Variants in RPS13 observed in about 807,000 individuals in gnomAD.
RPS13 encodes small ribosomal subunit protein uS15.
In RPS13, 1 loss-of-function variant was observed where a neutral mutation model predicts 24.6. The observed-to-expected ratio is 0.04, with a 90% CI of 0.01 to 0.19. The LOEUF is 0.19. RPS13 is among the 10% of genes least tolerant of loss of function. The pLI is 1.00. For missense variants in RPS13, 88 were observed against 187.4 expected (o/e 0.47, Z 3.10); for synonymous variants, 69 against 65.3 (o/e 1.06, Z -0.27).
chr11:17,077,474 C>T lies in RPS13; in HGVS notation c.27G>A (p.Lys9=). 1 of 1,613,944 alleles carries T rather than the reference C, an allele frequency of 6.2e-7. No individual in the cohort carries two copies. The highest frequency in any genetic ancestry group is 8.5e-7 in the Non-Finnish European group (1 of 1,179,968). MGRMHAPG[K]GLSQSALPYR... ...AGGGTAAAGCCGACTGGGACAGGCC[C>T]TTCCTGGGGAGAGAAGCAGTCTCGA... is the stretch of plus-strand genomic sequence containing the variant. The change falls in exon 2 of 6, where the codon AAG becomes AAA. Residue 9 remains lysine (K), a synonymous_variant. Transcript: ENST00000525634.
chr11:17,074,952 G>A, intron 5 of RPS13, 145 bp downstream of exon 5: 1 of 631,556 alleles, frequency 1.6e-6, no homozygotes, highest in Non-Finnish European at 2.8e-6. Context: ...TACCAGGCCA[G>A]AGCTCAAAGA....
rs750296954 is a variant in RPS13, at chr11:17,077,506, G to A, written c.24-29C>T. The A allele has an allele frequency of 3.1e-6, 5 of 1,613,970 alleles. No homozygotes were observed. The African/African-American group carries it at 5.3e-5, about 17-fold the overall frequency. ...GGGAGAGAAGCAGTCTCGAGGTGAG[G>A]TGGCGGCTAGTGCCAGAGCAGCCCA... On this transcript the variant is annotated intron_variant, in intron 1 of 5. Coordinates refer to ENST00000525634, the MANE Select transcript of RPS13 (RefSeq NM_001017.3).
intron 3 of RPS13, chr11:17,076,486 G>A (rs1208936962): frequency 5.6e-6 from 2 of 359,702 alleles, no homozygotes; most frequent in African/African-American, 2.2e-5. Flanking sequence ...AATCCAGGAG[G>A]TGGAGGTTGC....
At chr11:17,077,044 G>A (rs1848033467) in intron 3 of RPS13, 124 bp downstream of exon 3, 1 of 703,872 alleles carries the variant, frequency 1.4e-6, no homozygotes, top group East Asian at 2.5e-5. Flanking sequence ...TGCTTACAAT[G>A]ATGCCTCTAG....
rs1804350 is a variant in RPS13 at position 17,074,463 on chromosome 11, T to C, written c.426A>G (p.Glu142=). ...CGACCAGGGCAGAGGCTGTAGATGA[T>C]TCACTGAAAAAGAAAAAAGGGGAAA... The part of the protein sequence containing the change: ...KRVLPPNWKY[E]SSTASALVA The change falls in exon 6 of 6, where the codon GAA becomes GAG. Residue 142 remains glutamate (E), a synonymous_variant. Transcript: ENST00000525634. The C allele has an allele frequency of 6.2e-7, 1 of 1,611,704 alleles. No homozygotes were observed. The highest frequency in any genetic ancestry group is 1.1e-5 in the South Asian group (1 of 90,938).
chr11:17,074,743 G>T, intron 5 of RPS13: 1 of 675,500 alleles, frequency 1.5e-6, no homozygotes, highest in Admixed American at 2.0e-5. Context: ...TCATCATAGT[G>T]AGCAATTCAT....
intron 3 of RPS13, chr11:17,076,964 G>A (rs533812250): frequency 1.8e-6 from 1 of 570,808 alleles, no homozygotes; most frequent in Non-Finnish European, 3.1e-6. Flanking sequence ...ACTGTAAACT[G>A]GGGTGAAAGC....
chr11:17,077,052 T>C (rs770138509), intron 3 of RPS13, 116 bp downstream of exon 3: 5 of 756,400 alleles, frequency 6.6e-6, no homozygotes, highest in Non-Finnish European at 1.2e-5. Flanking sequence ...ATGATGCCTC[T>C]AGCACGGTGG....
At chr11:17,077,522 G>C in intron 1 of RPS13, 45 bp from the exon 2 acceptor site, 1 of 1,613,328 alleles carries the variant, frequency 6.2e-7, no homozygotes. Context: ...GCTAGTGCCA[G>C]AGCAGCCCAG....
chr11:17,076,692 C>T (rs758378406), intron 3 of RPS13: 2 of 308,784 alleles, frequency 6.5e-6, no homozygotes, highest in African/African-American at 4.5e-5. Flanking sequence ...GGACTACAGG[C>T]ACATTGCGGC....
intron 3 of RPS13, 191 bp downstream of exon 3, chr11:17,076,977 T>C (rs1221167912): frequency 5.1e-6 from 3 of 584,196 alleles, no homozygotes; most frequent in South Asian, 4.3e-5. Flanking sequence ...GTGAAAGCCA[T>C]GAAGATTTAT....
Position 17,075,079 on chromosome 11 carries a change from A to T in RPS13, c.422+18T>A. 2.6e-6 allele frequency: 4 copies of T among 1,535,874 alleles called. No individual in the cohort carries two copies. The highest frequency in any genetic ancestry group is 3.6e-6 in the Non-Finnish European group (4 of 1,120,950). ...GACTCCTATTCTTGATAACAACGACAAAAGAGTTGATACTTACTATTTCCA... is the reference window on the plus strand; with the variant it reads ...GACTCCTATTCTTGATAACAACGACTAAAGAGTTGATACTTACTATTTCCA... On this transcript the variant is annotated intron_variant, in intron 5 of 5. Transcript: ENST00000525634.
Position 17,077,204 on chromosome 11 carries a change from T to C in RPS13, c.115A>G (p.Lys39Glu). Residue 39 changes from lysine to glutamate, a missense_variant, in exon 3 of 6, where the codon AAA (lysine) becomes GAA (glutamate). Coordinates refer to ENST00000525634, the MANE Select transcript of RPS13 (RefSeq NM_001017.3). Reference sequence around the variant, plus strand: ...GGAGTAAGGCCCTTCTTGGCCAGTTTGTAAATCTGCTCCTTCACGTCGTCA... The same window carrying C: ...GGAGTAAGGCCCTTCTTGGCCAGTTCGTAAATCTGCTCCTTCACGTCGTCA... ...TSDDVKEQIY[K>E]LAKKGLTPSQ... 6.2e-7 allele frequency: 1 copy of C among 1,613,876 alleles called. No homozygotes were observed.
chr11:17,075,200 A>G lies in RPS13; in HGVS notation c.322-3T>C, dbSNP rs771874758. On this transcript the variant is annotated splice_polypyrimidine_tract_variant and splice_region_variant and intron_variant, in intron 4 of 5. Coordinates refer to ENST00000525634, the MANE Select transcript of RPS13 (RefSeq NM_001017.3). ...AGACGGAATTTAGCATCCTTATCCT[A>G]AAAATAAAATTTGGTGCAATTCAAG... 1 of 1,585,026 alleles carries G rather than the reference A, an allele frequency of 6.3e-7. No homozygotes were observed. The highest frequency in any genetic ancestry group is 1.9e-5 in the Admixed American group (1 of 51,496).
intron 3 of RPS13, chr11:17,076,007 T>G (rs1005833101): frequency 3.0e-6 from 1 of 329,680 alleles, no homozygotes; most frequent in African/African-American, 2.2e-5. Flanking sequence ...CTACTTACAA[T>G]CTATGACATA....
intron 3 of RPS13, chr11:17,076,368 T>A (rs1477926305): frequency 3.5e-6 from 1 of 285,356 alleles, no homozygotes; most frequent in African/African-American, 2.3e-5. Context: ...CCAGCCTGGG[T>A]GACAAAGTGA....
At chr11:17,077,396 C>G in intron 2 of RPS13, 33 bp downstream of exon 2, 1 of 1,598,920 alleles carries the variant, frequency 6.3e-7, no homozygotes, top group Non-Finnish European at 8.5e-7. Context: ...AACCCCCTCC[C>G]CGGATTCTCC....
At position 17,077,347 on chromosome 11, in the gene RPS13, G is replaced by A. The variant is rs1590881312; in HGVS notation, c.72+82C>T. ...AAAACCGCGCTCCTCATACACGCAAGTTCCTCACCCTGGCGTCGCTTCACC... is the reference window on the plus strand; with the variant it reads ...AAAACCGCGCTCCTCATACACGCAAATTCCTCACCCTGGCGTCGCTTCACC... On this transcript the variant is annotated intron_variant, in intron 2 of 5. Coordinates refer to ENST00000525634, the MANE Select transcript of RPS13 (RefSeq NM_001017.3). The A allele has an allele frequency of 3.8e-6, 6 of 1,583,710 alleles. No homozygotes were observed. In the East Asian group the frequency reaches 1.4e-4, roughly 36 times the overall value.
At chr11:17,075,960 T>C in intron 3 of RPS13, 1 of 402,122 alleles carries the variant, frequency 2.5e-6, no homozygotes, top group Admixed American at 3.4e-5. Context: ...CTAAAAACTT[T>C]ACACGTTATT....
Sources: gnomAD v4.1 joint callset for allele counts on GRCh38, gnomAD v4.1.1 for gene constraint, MANE v1.5 for transcripts, NCBI Gene and HGNC (gene_info 2026-07-23, HGNC 2026-07-21) for gene names.